The following EPB41L4B variants were observed in gnomAD, a reference collection of about 807,000 sequenced individuals.
EPB41L4B encodes the protein band 4.1-like protein 4B.
Under a neutral mutation model 112.5 loss-of-function variants are expected in EPB41L4B, and 30 were observed. The observed-to-expected ratio is 0.27, with a 90% CI of 0.20 to 0.36. The LOEUF (loss-of-function observed/expected upper bound fraction) is 0.36. Among genes scored for constraint, EPB41L4B ranks in the 10% least tolerant of loss-of-function variants. The probability of loss-of-function intolerance (pLI) is 1.00; values close to 1 mark genes in which losing one functional copy is unlikely to be tolerated. For synonymous variants in EPB41L4B, 408 were observed against 439.7 expected (o/e 0.93, Z 0.90); for missense variants, 1,024 against 1,133.3 (o/e 0.90, Z 1.38).
At chr9:109,306,021 T>C (rs1770190328) in intron 1 of EPB41L4B, among the ~76,000 whole-genome samples, 1 of 152,144 alleles carries the variant, frequency 6.6e-6, no homozygotes, top group Non-Finnish European at 1.5e-5. Flanking sequence ...AGAGAGCCAC[T>C]AGAGTGACAG....
chr9:109,226,653 A>AAT (rs1203207748), intron 15 of EPB41L4B, among the ~76,000 whole-genome samples: 4 of 109,960 alleles, frequency 3.6e-5, no homozygotes, highest in Middle Eastern at 4.5e-3. Context: ...ATATATGAAG[A>AAT]ATATATATAT....
At chr9:109,279,755 T>C in intron 2 of EPB41L4B, 62 bp downstream of exon 2, 1 of 1,360,034 alleles carries the variant, frequency 7.4e-7, no homozygotes, top group South Asian at 1.2e-5. Flanking sequence ...CTAGCAACTG[T>C]GGACGTGCAA....
At chr9:109,188,877 A>G (rs1832358424) in intron 22 of EPB41L4B, among the ~76,000 whole-genome samples, 1 of 152,168 alleles carries the variant, frequency 6.6e-6, no homozygotes, top group African/African-American at 2.4e-5. Context: ...AGCCCCAAAG[A>G]GAAAGCGTAA....
At chr9:109,310,653 G>A (rs1837384388) in intron 1 of EPB41L4B, among the ~76,000 whole-genome samples, 1 of 152,202 alleles carries the variant, frequency 6.6e-6, no homozygotes, top group Non-Finnish European at 1.5e-5. Flanking sequence ...GCATGATGCA[G>A]AAGAGTCCCA....
chr9:109,183,053 C>G (rs1478424417), intron 23 of EPB41L4B, among the ~76,000 whole-genome samples: 1 of 152,138 alleles, frequency 6.6e-6, no homozygotes, highest in Non-Finnish European at 1.5e-5. Flanking sequence ...AGAGCGCCCC[C>G]ACACTTGCCT....
At chr9:109,242,221 G>A (rs972873839) in intron 15 of EPB41L4B, among the ~76,000 whole-genome samples, 1 of 152,212 alleles carries the variant, frequency 6.6e-6, no homozygotes, top group African/African-American at 2.4e-5. Context: ...TCTTTGTAGA[G>A]CTTGAAAATA....
At chr9:109,187,694 C>A (rs1012480846) in intron 22 of EPB41L4B, among the ~76,000 whole-genome samples, 2 of 152,122 alleles carry the variant, frequency 1.3e-5, no homozygotes, top group Non-Finnish European at 2.9e-5. Context: ...ATAGCAGGCA[C>A]GCAATGGGTA....
At chr9:109,306,624 A>G (rs2119243943) in intron 1 of EPB41L4B, among the ~76,000 whole-genome samples, 1 of 152,016 alleles carries the variant, frequency 6.6e-6, no homozygotes, top group South Asian at 2.1e-4. Flanking sequence ...ACAAACAAAC[A>G]AACAAACAAA....
intron 1 of EPB41L4B, among the ~76,000 whole-genome samples, chr9:109,295,341 T>C (rs1564327249): frequency 2.0e-5 from 3 of 152,278 alleles, no homozygotes; most frequent in South Asian, 4.1e-4. Flanking sequence ...CCTTAGAAGA[T>C]TGCTGAGGGA....
intron 4 of EPB41L4B, among the ~76,000 whole-genome samples, chr9:109,265,351 A>T (rs867254906): frequency 4.3e-4 from 65 of 152,356 alleles, no homozygotes; most frequent in African/African-American, 1.6e-3. Flanking sequence ...ATGGGCATGC[A>T]ACATGTCCAA....
chr9:109,198,835 G>A (rs982428936), intron 20 of EPB41L4B, among the ~76,000 whole-genome samples: 6 of 151,764 alleles, frequency 4.0e-5, no homozygotes, highest in African/African-American at 9.7e-5. Flanking sequence ...GCTTGAATCC[G>A]GGAGGTGGAG....
At chr9:109,302,684 C>T (rs183728991) in intron 1 of EPB41L4B, among the ~76,000 whole-genome samples, 2 of 152,206 alleles carry the variant, frequency 1.3e-5, no homozygotes, top group Admixed American at 1.3e-4. Context: ...ATCCAACGTT[C>T]TCCACAGGAT....
chr9:109,198,053 T>C (rs891684237), intron 20 of EPB41L4B, among the ~76,000 whole-genome samples: 5 of 152,288 alleles, frequency 3.3e-5, no homozygotes, highest in South Asian at 4.2e-4. Flanking sequence ...TTAGGACTGT[T>C]AATTATTTGA....
chr9:109,251,328 A>C (rs1834779927), intron 13 of EPB41L4B, among the ~76,000 whole-genome samples, 153 bp downstream of exon 13: 1 of 152,264 alleles, frequency 6.6e-6, no homozygotes, highest in Admixed American at 6.5e-5. Context: ...ATTGAAAGCC[A>C]TGAGCATGGA....
intron 22 of EPB41L4B, among the ~76,000 whole-genome samples, chr9:109,189,336 C>G (rs1007799019): frequency 1.3e-5 from 2 of 152,084 alleles, no homozygotes; most frequent in African/African-American, 4.8e-5. Flanking sequence ...CCTACAAAAG[C>G]GAAGTTGGAA....
At chr9:109,293,295 T>C (rs901379325) in intron 1 of EPB41L4B, among the ~76,000 whole-genome samples, 3 of 152,222 alleles carry the variant, frequency 2.0e-5, no homozygotes, top group African/African-American at 7.2e-5. Flanking sequence ...TAAAAAATGT[T>C]TCTTCTTAGG....
At chr9:109,316,201 A>G (rs1318348444) in intron 1 of EPB41L4B, among the ~76,000 whole-genome samples, 1 of 152,208 alleles carries the variant, frequency 6.6e-6, no homozygotes, top group African/African-American at 2.4e-5. Context: ...CTCCATGTTT[A>G]CACTGGACCA....
intron 1 of EPB41L4B, among the ~76,000 whole-genome samples, chr9:109,304,689 G>C (rs1345085349): frequency 1.3e-5 from 2 of 152,210 alleles, no homozygotes; most frequent in African/African-American, 4.8e-5. Context: ...TCCATGGGGG[G>C]ATGAGGGGTC....
intron 23 of EPB41L4B, among the ~76,000 whole-genome samples, chr9:109,184,793 C>T (rs1183165866): frequency 6.6e-6 from 1 of 152,166 alleles, no homozygotes; most frequent in Non-Finnish European, 1.5e-5. Context: ...TATGTGTTCT[C>T]CCAAATAATG....
Sources: allele counts gnomAD v4.1 joint callset (sites outside exome capture counted in the v4.1 genomes callset), GRCh38; gene constraint gnomAD v4.1.1; transcripts MANE v1.5; gene names NCBI Gene and HGNC (gene_info 2026-07-23, HGNC 2026-07-21).